The following SLC16A10 variants were observed in gnomAD, a reference collection of about 807,000 sequenced individuals.
SLC16A10 encodes the protein monocarboxylate transporter 10.
In SLC16A10, 27 loss-of-function variants were observed where a neutral mutation model predicts 40.0. The ratio of observed to expected loss-of-function variants is 0.67; its 90% CI spans 0.50 to 0.93. SLC16A10 has a LOEUF of 0.93. Among genes scored for constraint, SLC16A10 ranks in the 40% least tolerant of loss-of-function variants. The pLI, the probability that SLC16A10 is intolerant of heterozygous loss-of-function variation, is 0.00. For missense variants in SLC16A10, 529 were observed against 658.2 expected (o/e 0.80, Z 2.15); for synonymous variants, 213 against 249.8 (o/e 0.85, Z 1.39).
intron 1 of SLC16A10, among the ~76,000 whole-genome samples, chr6:111,090,660 G>T (rs1213031181): frequency 6.6e-6 from 1 of 152,100 alleles, no homozygotes; most frequent in Admixed American, 6.6e-5. Flanking sequence ...GGTGTTTCAT[G>T]AAGTCCCTCA....
intron 3 of SLC16A10, among the ~76,000 whole-genome samples, chr6:111,206,242 A>G (rs997334447): frequency 3.3e-5 from 5 of 151,996 alleles, no homozygotes; most frequent in Admixed American, 1.3e-4. Context: ...ACGCCTGGCT[A>G]ATTTTTATAT....
intron 4 of SLC16A10, 133 bp downstream of exon 4, chr6:111,206,868 GC>G: frequency 8.6e-7 from 1 of 1,163,278 alleles, no homozygotes; most frequent in Non-Finnish European, 1.2e-6. Context: ...CGCTCTTATT[GC>G]CCAGGCTGGA....
At chr6:111,112,947 G>GC (rs931459395) in intron 1 of SLC16A10, among the ~76,000 whole-genome samples, 41 of 152,252 alleles carry the variant, frequency 2.7e-4, no homozygotes, top group South Asian at 6.2e-4. Context: ...GTTGCAGAAT[G>GC]CCCCAAAACA....
rs1444428847 is a variant in SLC16A10, at chr6:111,158,952, C to T, written c.344-13743C>T. Among the ~76,000 whole-genome samples the T allele has an allele frequency of 2.0e-5, 3 of 150,494 alleles. 1 individual carries two copies. Among genetic ancestry groups the T allele is most frequent in the African/African-American group, 7.4e-5 (3 of 40,798 alleles). ...ATTAGCCAGGTGTGGTGGCCTGCAC[C>T]TGTAGTTCTAGCTACTCGGGAGCCT... On this transcript the variant is annotated intron_variant, in intron 1 of 5. Coordinates refer to ENST00000368851, the MANE Select transcript of SLC16A10 (RefSeq NM_018593.5).
intron 3 of SLC16A10, among the ~76,000 whole-genome samples, chr6:111,191,299 T>C (rs1772987118): frequency 6.6e-6 from 1 of 152,216 alleles, no homozygotes; most frequent in South Asian, 2.1e-4. Context: ...TTTAGTTTCC[T>C]GAGAATGATG....
chr6:111,146,784 A>G (rs1017799540), intron 1 of SLC16A10, among the ~76,000 whole-genome samples: 1 of 152,212 alleles, frequency 6.6e-6, no homozygotes, highest in Non-Finnish European at 1.5e-5. Context: ...ATAGATGTTC[A>G]TAGTAGTATT....
chr6:111,113,743 A>G (rs919389490), intron 1 of SLC16A10, among the ~76,000 whole-genome samples: 79 of 152,274 alleles, frequency 5.2e-4, no homozygotes, highest in Non-Finnish European at 5.9e-4. Context: ...CAAATAAGGG[A>G]GGAGGGACAG....
At chr6:111,211,617 T>C (rs558665712) in intron 4 of SLC16A10, among the ~76,000 whole-genome samples, 4 of 152,224 alleles carry the variant, frequency 2.6e-5, no homozygotes, top group Non-Finnish European at 5.9e-5. Context: ...CCCTTCAGTG[T>C]GTCCTGTGGT....
chr6:111,183,370 G>A (rs1299926074), intron 3 of SLC16A10, among the ~76,000 whole-genome samples: 1 of 151,904 alleles, frequency 6.6e-6, no homozygotes, highest in African/African-American at 2.4e-5. Flanking sequence ...CTTACTATCC[G>A]TATATTTACA....
At chr6:111,144,087 G>A (rs1025150481) in intron 1 of SLC16A10, among the ~76,000 whole-genome samples, 1 of 152,116 alleles carries the variant, frequency 6.6e-6, no homozygotes, top group Admixed American at 6.6e-5. Context: ...GTTGGGGCAG[G>A]AGGTATACGA....
intron 1 of SLC16A10, among the ~76,000 whole-genome samples, chr6:111,138,795 G>A (rs1476895340): frequency 3.9e-5 from 6 of 152,144 alleles, no homozygotes; most frequent in South Asian, 2.1e-4. Flanking sequence ...GGCAGTGCTC[G>A]TTGAATGTTC....
At chr6:111,216,476 T>A (rs892537253) in intron 4 of SLC16A10, among the ~76,000 whole-genome samples, 3 of 151,886 alleles carry the variant, frequency 2.0e-5, no homozygotes, top group African/African-American at 7.3e-5. Flanking sequence ...CGATCTCGGC[T>A]CACTGCAAGC....
At chr6:111,100,256 C>G (rs1215362243) in intron 1 of SLC16A10, among the ~76,000 whole-genome samples, 1 of 152,044 alleles carries the variant, frequency 6.6e-6, no homozygotes, top group Non-Finnish European at 1.5e-5. Flanking sequence ...GATCTGAAGC[C>G]TGAACTTTCT....
At chr6:111,134,342 G>T (rs1771839335) in intron 1 of SLC16A10, among the ~76,000 whole-genome samples, 1 of 152,154 alleles carries the variant, frequency 6.6e-6, no homozygotes, top group Admixed American at 6.6e-5. Context: ...ACTAAGGGAG[G>T]CATTGACAAA....
intron 1 of SLC16A10, among the ~76,000 whole-genome samples, chr6:111,106,217 A>G (rs935113612): frequency 2.0e-5 from 3 of 152,210 alleles, no homozygotes; most frequent in Non-Finnish European, 4.4e-5. Flanking sequence ...TTCCATGCCA[A>G]CACATCAGAC....
chr6:111,191,386 A>G (rs1380703549), intron 3 of SLC16A10, among the ~76,000 whole-genome samples: 1 of 152,178 alleles, frequency 6.6e-6, no homozygotes, highest in Non-Finnish European at 1.5e-5. Context: ...TCCATGGTGT[A>G]TATGTGCCAC....
Position 111,120,089 on chromosome 6 carries a change from A to T in SLC16A10, c.343+31994A>T, listed in dbSNP as rs142861571. Among the ~76,000 whole-genome samples the T allele has an allele frequency of 6.9e-4, 105 of 152,318 alleles. 1 individual carries two copies. Among genetic ancestry groups the T allele is most frequent in the East Asian group, 6.6e-3 (34 of 5,184 alleles). The stretch of plus-strand genomic sequence containing the variant: ...TGACTAATGTCTGTATCCATTTCCC[A>T]AAAAAGAGATTTGCGTATGTCCTCA... On this transcript the variant is annotated intron_variant, in intron 1 of 5. Coordinates refer to ENST00000368851, the MANE Select transcript of SLC16A10 (RefSeq NM_018593.5).
rs757357177 is a variant in SLC16A10 at position 111,121,008 on chromosome 6, GA to G, written c.343+32920del. 7.2e-5 allele frequency among the ~76,000 whole-genome samples: 11 copies of G among 151,892 alleles called. 1 individual carries two copies. The highest frequency in any genetic ancestry group is 5.2e-4 in the Admixed American group (8 of 15,262). ...AAGTAGGCACTTTATTTCCCTAATAGAAAAAAATATATATTTTTGTCAAATA... is the reference window on the plus strand; with the variant it reads ...AAGTAGGCACTTTATTTCCCTAATAGAAAAAATATATATTTTTGTCAAATA... On this transcript the variant is annotated intron_variant, in intron 1 of 5. Coordinates refer to ENST00000368851, the MANE Select transcript of SLC16A10 (RefSeq NM_018593.5).
chr6:111,091,855 C>A (rs925303), intron 1 of SLC16A10, among the ~76,000 whole-genome samples: 5 of 152,024 alleles, frequency 3.3e-5, no homozygotes, highest in African/African-American at 1.2e-4. Context: ...TTATCTAACA[C>A]GCTTTGTTTT....
Sources: allele counts gnomAD v4.1 joint callset (sites outside exome capture counted in the v4.1 genomes callset), GRCh38; gene constraint gnomAD v4.1.1; transcripts MANE v1.5; gene names NCBI Gene and HGNC (gene_info 2026-07-23, HGNC 2026-07-21).